Variants in ZFHX3 observed in about 807,000 individuals in gnomAD.
ZFHX3 encodes the protein zinc finger homeobox 3, also known as zinc finger homeobox protein 3.
A neutral mutation model predicts 279.1 loss-of-function variants in ZFHX3; 42 were observed. That is an observed-to-expected ratio of 0.15 (90% CI 0.12 to 0.19). The LOEUF is 0.19. Among genes scored for constraint, ZFHX3 ranks in the 10% least tolerant of loss-of-function variants. The probability of loss-of-function intolerance (pLI) is 1.00; values close to 1 mark genes in which losing one functional copy is unlikely to be tolerated. For synonymous variants in ZFHX3, 2,293 were observed against 1,957.8 expected, an observed-to-expected ratio of 1.17 and a Z score of -4.52; for missense variants, 4,981 against 4,754.0, an observed-to-expected ratio of 1.05 and a Z score of -1.40.
At chr16:73,120,120 G>GT (rs1033170998) in intron 7 of ZFHX3, among the ~76,000 whole-genome samples, 14 of 149,358 alleles carry the variant, frequency 9.4e-5, no homozygotes, top group South Asian at 4.2e-4. Flanking sequence ...TTTTTTGTTT[G>GT]TTTTTTTCAC....
chr16:73,060,858 T>A (rs1965674645), upstream of ZFHX3: 1 of 152,210 alleles, frequency 6.6e-6, no homozygotes, highest in Non-Finnish European at 1.5e-5. Flanking sequence ...AGGAAATCTG[T>A]TTGATTAGAA....
At chr16:73,157,350 T>C (rs1967113691) in intron 5 of ZFHX3, among the ~76,000 whole-genome samples, 1 of 151,320 alleles carries the variant, frequency 6.6e-6, no homozygotes, top group Non-Finnish European at 1.5e-5. Context: ...GGACTTGTGT[T>C]GTGGAAACAA....
chr16:73,423,838 T>C (rs2017761634), intron 3 of ZFHX3, among the ~76,000 whole-genome samples: 1 of 138,630 alleles, frequency 7.2e-6, no homozygotes, highest in Non-Finnish European at 1.5e-5. Context: ...CTCTAGCTTG[T>C]GAGACAGGGT....
intron 2 of ZFHX3, among the ~76,000 whole-genome samples, chr16:73,605,571 C>G (rs1219780178): frequency 6.6e-6 from 1 of 151,954 alleles, no homozygotes; most frequent in East Asian, 1.9e-4. Context: ...CTACAGAGTC[C>G]TGTACCTGGT....
chr16:73,217,019 C>T (rs1038913495), intron 5 of ZFHX3, among the ~76,000 whole-genome samples: 1 of 152,188 alleles, frequency 6.6e-6, no homozygotes, highest in Non-Finnish European at 1.5e-5. Flanking sequence ...CTAATGTTGA[C>T]CCACTGCCAT....
Position 72,788,155 on chromosome 16 carries a change from G to C in ZFHX3, c.10121C>G (p.Ala3374Gly). The C allele has an allele frequency of 6.2e-7, 1 of 1,611,844 alleles. No homozygotes were observed. The highest frequency in any genetic ancestry group is 8.5e-7 in the Non-Finnish European group (1 of 1,179,434). ...YQQYQQSLQE[A>G]IQQQQQRQLQ... ...TTGCCGCTGCTGCTGCTGCTGAATT[G>C]CCTCCTGCAGACTCTGCTGGTATTG... The change falls in exon 10 of 10, where the codon GCA (alanine) becomes GGA (glycine). Residue 3374 changes from alanine (A) to glycine (G), a missense_variant. Coordinates refer to ENST00000268489, the MANE Select transcript of ZFHX3 (RefSeq NM_006885.4).
intron 1 of ZFHX3, among the ~76,000 whole-genome samples, chr16:73,874,894 A>G (rs2029899226): frequency 1.3e-5 from 2 of 152,218 alleles, no homozygotes; most frequent in African/African-American, 4.8e-5. Context: ...TTGGTCTGCA[A>G]TAGCAATGGC....
chr16:73,052,034 G>A (rs962706757), upstream of ZFHX3, among the ~76,000 whole-genome samples: 4 of 152,224 alleles, frequency 2.6e-5, no homozygotes, highest in East Asian at 5.8e-4. Context: ...GTAAAAAGAG[G>A]TGGGCTCCTA....
chr16:73,017,803 A>C (rs1964159972), intron 1 of ZFHX3, among the ~76,000 whole-genome samples: 1 of 151,864 alleles, frequency 6.6e-6, no homozygotes, highest in African/African-American at 2.4e-5. Flanking sequence ...TAAGCAGCAA[A>C]CCAAACAGGC....
chr16:72,902,553 A>AT (rs1483924357), intron 3 of ZFHX3, among the ~76,000 whole-genome samples: 1 of 152,248 alleles, frequency 6.6e-6, no homozygotes, highest in Admixed American at 6.5e-5. Flanking sequence ...AACAAAATAG[A>AT]TTAACAGAAA....
At chr16:73,557,751 C>G (rs1734126706) in intron 2 of ZFHX3, among the ~76,000 whole-genome samples, 1 of 152,038 alleles carries the variant, frequency 6.6e-6, no homozygotes, top group South Asian at 2.1e-4. Flanking sequence ...TTGTGCCGAC[C>G]TCCTATCTCA....
chr16:73,135,893 TGTC>T (rs1320989656), intron 6 of ZFHX3, among the ~76,000 whole-genome samples: 1 of 151,958 alleles, frequency 6.6e-6, no homozygotes, highest in Non-Finnish European at 1.5e-5. Context: ...AATCTCGCTT[TGTC>T]GCCCAGGCTG....
intron 2 of ZFHX3, among the ~76,000 whole-genome samples, chr16:73,579,658 T>G (rs1173128216): frequency 1.3e-5 from 2 of 149,998 alleles, no homozygotes; most frequent in African/African-American, 2.5e-5. Flanking sequence ...CCCGCCACCA[T>G]GCCTGGCTAA....
At chr16:72,839,575 G>A (rs1421999822) in intron 4 of ZFHX3, among the ~76,000 whole-genome samples, 1 of 152,028 alleles carries the variant, frequency 6.6e-6, no homozygotes, top group Non-Finnish European at 1.5e-5. Flanking sequence ...AAAGAGAGGA[G>A]GATGAGAGAG....
chr16:73,720,448 G>T (rs1016324147), intron 1 of ZFHX3, among the ~76,000 whole-genome samples: 1 of 152,104 alleles, frequency 6.6e-6, no homozygotes, highest in Non-Finnish European at 1.5e-5. Context: ...ACTGTTAAAT[G>T]GTGACATAAA....
chr16:73,787,566 G>A (rs1959685154), intron 1 of ZFHX3, among the ~76,000 whole-genome samples: 2 of 152,148 alleles, frequency 1.3e-5, no homozygotes, highest in African/African-American at 4.8e-5. Flanking sequence ...GATTCATTAG[G>A]TATTCAAACA....
chr16:73,560,495 CTCTTA>C (rs1470822561), intron 2 of ZFHX3, among the ~76,000 whole-genome samples: 6 of 152,314 alleles, frequency 3.9e-5, no homozygotes, highest in Admixed American at 6.5e-5. Flanking sequence ...TGTCGCTCTT[CTCTTA>C]TATTACCCCA....
chr16:73,705,304 C>T (rs1340111726), intron 1 of ZFHX3, among the ~76,000 whole-genome samples: 1 of 152,116 alleles, frequency 6.6e-6, no homozygotes, highest in Admixed American at 6.5e-5. Flanking sequence ...TACACAGATT[C>T]GCCTCAGTCA....
At chr16:72,977,501 T>C (rs895184708) in intron 1 of ZFHX3, among the ~76,000 whole-genome samples, 2 of 152,158 alleles carry the variant, frequency 1.3e-5, no homozygotes, top group Non-Finnish European at 2.9e-5. Flanking sequence ...GTCTAGGAAC[T>C]AACATGAACC....
Sources: allele counts gnomAD v4.1 joint callset (sites outside exome capture counted in the v4.1 genomes callset), GRCh38; gene constraint gnomAD v4.1.1; transcripts MANE v1.5; gene names NCBI Gene and HGNC (gene_info 2026-07-23, HGNC 2026-07-21).